Variants in SVOPL observed in about 807,000 individuals in gnomAD.
SVOPL encodes putative transporter SVOPL.
A neutral mutation model predicts 61.0 loss-of-function variants in SVOPL; 60 were observed. That is an observed-to-expected ratio of 0.98 (90% CI 0.80 to 1.22). The LOEUF is 1.22. SVOPL is among the 50% of genes most tolerant of loss of function. SVOPL has a pLI of 0.00. For missense variants in SVOPL, 662 were observed against 643.9 expected, an observed-to-expected ratio of 1.03 and a Z score of -0.30; for synonymous variants, 279 against 250.0, an observed-to-expected ratio of 1.12 and a Z score of -1.09.
intron 9 of SVOPL, among the ~76,000 whole-genome samples, chr7:138,632,051 G>T (rs1800228989): frequency 6.6e-6 from 1 of 151,732 alleles, no homozygotes; most frequent in Admixed American, 6.6e-5. Flanking sequence ...CTTCATATGT[G>T]ATGCTCATTT....
chr7:138,599,975 CA>C (rs1251990734), intron 14 of SVOPL, among the ~76,000 whole-genome samples: 1 of 151,290 alleles, frequency 6.6e-6, no homozygotes, highest in Non-Finnish European at 1.5e-5. Context: ...TAAATATTTG[CA>C]GAAATATGAA....
intron 15 of SVOPL, among the ~76,000 whole-genome samples, chr7:138,595,881 A>G (rs1798254449): frequency 6.6e-6 from 1 of 152,238 alleles, no homozygotes; most frequent in South Asian, 2.1e-4. Flanking sequence ...TTAAAAATAA[A>G]CTAGACTTAA....
chr7:138,681,918 A>G (rs1177673090), intron 1 of SVOPL, among the ~76,000 whole-genome samples: 1 of 152,194 alleles, frequency 6.6e-6, no homozygotes, highest in African/African-American at 2.4e-5. Flanking sequence ...AAGAATTGAA[A>G]CACATTGAAG....
chr7:138,599,356 G>A (rs1245059499), intron 14 of SVOPL, among the ~76,000 whole-genome samples: 2 of 152,100 alleles, frequency 1.3e-5, no homozygotes, highest in Non-Finnish European at 2.9e-5. Flanking sequence ...CATTAGCAGT[G>A]TAGTGTTGGT....
At chr7:138,618,937 A>G (rs1056944308) in intron 14 of SVOPL, among the ~76,000 whole-genome samples, 27 of 152,132 alleles carry the variant, frequency 1.8e-4, no homozygotes, top group African/African-American at 5.6e-4. Flanking sequence ...GCCCCAGGAG[A>G]CCTGGTCCCA....
At chr7:138,629,127 ATGTG>A (rs71520009) in intron 10 of SVOPL, among the ~76,000 whole-genome samples, 1,214 of 66,142 alleles carry the variant, frequency 0.018, 12 homozygotes, top group South Asian at 0.074. Context: ...TGTTTTATAT[ATGTG>A]TGTGTGTGTG....
In SVOPL at chr7:138,600,990, A is replaced by G. The variant is rs192358339; in HGVS notation, c.1354-4460T>C. On this transcript the variant is annotated intron_variant, in intron 14 of 15. Transcript: ENST00000674285. ...AAATAGGCCGGGCGCGGTGGCTCACACCTGTAATCCCAGCACTTTGGGAGG... is the reference window on the plus strand; with the variant it reads ...AAATAGGCCGGGCGCGGTGGCTCACGCCTGTAATCCCAGCACTTTGGGAGG... Among the ~76,000 whole-genome samples, 1,193 of 152,168 alleles carry G rather than the reference A, an allele frequency of 7.8e-3. 13 individuals are homozygous for G. Among genetic ancestry groups the G allele is most frequent in the African/African-American group, 0.028 (1,149 of 41,518 alleles).
At chr7:138,629,358 G>A (rs1358818691) in intron 10 of SVOPL, among the ~76,000 whole-genome samples, 2 of 151,580 alleles carry the variant, frequency 1.3e-5, no homozygotes, top group Non-Finnish European at 1.5e-5. Flanking sequence ...AGCCTCCCAA[G>A]TAGCTGGGAT....
chr7:138,658,855 T>G (rs1187525276), intron 6 of SVOPL, among the ~76,000 whole-genome samples: 1 of 152,024 alleles, frequency 6.6e-6, no homozygotes, highest in Non-Finnish European at 1.5e-5. Flanking sequence ...AAACTAGAAA[T>G]AAAATTTGAA....
intron 14 of SVOPL, among the ~76,000 whole-genome samples, chr7:138,611,250 C>T (rs560885065): frequency 5.3e-5 from 8 of 152,226 alleles, no homozygotes; most frequent in East Asian, 1.9e-4. Context: ...TGGTGGTGTG[C>T]GCCTGTAGTC....
chr7:138,678,466 T>C lies in SVOPL; in HGVS notation c.142A>G (p.Ile48Val), dbSNP rs1362927319. The change falls in exon 3 of 16, where the codon ATT (isoleucine) becomes GTT (valine). Residue 48 changes from isoleucine (I) to valine (V), a missense_variant. By Grantham distance (29) the Ile-to-Val change is conservative. Coordinates refer to ENST00000674285, the MANE Select transcript of SVOPL (RefSeq NM_001139456.2). ...CTGCCCATGATCAGAAAGAGGGCAA[T>C]GTGGAAACGCCCGAAGCCGATAGTC... Reference protein sequence around the residue: ...VETIGFGRFHIALFLIMGSTG... With the variant: ...VETIGFGRFHVALFLIMGSTG... 3 of 1,551,920 alleles carry C rather than the reference T, an allele frequency of 1.9e-6. No individual in the cohort carries two copies. Among genetic ancestry groups the C allele is most frequent in the East Asian group, 2.4e-5 (1 of 40,910 alleles).
At chr7:138,696,585 G>T (rs1803070188) in intron 1 of SVOPL, among the ~76,000 whole-genome samples, 1 of 152,080 alleles carries the variant, frequency 6.6e-6, no homozygotes, top group African/African-American at 2.4e-5. Context: ...ACCATATCCA[G>T]CTAATTTTTT....
At chr7:138,692,386 G>A (rs1415085299) in intron 1 of SVOPL, among the ~76,000 whole-genome samples, 1 of 152,112 alleles carries the variant, frequency 6.6e-6, no homozygotes, top group East Asian at 1.9e-4. Context: ...CCCACCTGCT[G>A]AGCATGAATT....
intron 13 of SVOPL, among the ~76,000 whole-genome samples, chr7:138,622,254 GTATCTATCTATCTATGTATC>G (rs1563096785): frequency 2.5e-3 from 134 of 52,920 alleles, no homozygotes; most frequent in African/African-American, 6.2e-3. Flanking sequence ...ATCTATCTAT[GTATCTATCTATCTATGTATC>G]TATCTATCTA....
intron 1 of SVOPL, among the ~76,000 whole-genome samples, chr7:138,694,976 T>A (rs747191890): frequency 1.3e-5 from 2 of 152,140 alleles, no homozygotes; most frequent in Non-Finnish European, 2.9e-5. Context: ...TGACCTCTGG[T>A]GATCCACCCA....
intron 3 of SVOPL, among the ~76,000 whole-genome samples, chr7:138,674,563 T>C (rs896219779): frequency 1.2e-4 from 18 of 149,430 alleles, no homozygotes; most frequent in African/African-American, 4.4e-4. Flanking sequence ...CCCACGACTG[T>C]AAGACACTTG....
intron 15 of SVOPL, 145 bp downstream of exon 15, chr7:138,596,272 T>G: frequency 3.1e-6 from 2 of 655,624 alleles, no homozygotes; most frequent in Middle Eastern, 3.0e-4. Context: ...AACAAAGTCC[T>G]TGTTATTCAA....
At chr7:138,631,259 T>G (rs1394484375) in intron 9 of SVOPL, among the ~76,000 whole-genome samples, 1 of 152,258 alleles carries the variant, frequency 6.6e-6, no homozygotes, top group East Asian at 1.9e-4. Flanking sequence ...ATGAGCTGTT[T>G]TGATAAACCT....
intron 14 of SVOPL, among the ~76,000 whole-genome samples, chr7:138,601,742 T>C (rs1383945333): frequency 6.6e-6 from 1 of 152,224 alleles, no homozygotes; most frequent in Admixed American, 6.5e-5. Flanking sequence ...GTACACTCTT[T>C]GGACCTAGAA....
Sources: allele counts gnomAD v4.1 joint callset (sites outside exome capture counted in the v4.1 genomes callset), GRCh38; gene constraint gnomAD v4.1.1; transcripts MANE v1.5; gene names NCBI Gene and HGNC (gene_info 2026-07-23, HGNC 2026-07-21).